ITSN2: variants seen among roughly 807,000 people sequenced by gnomAD.
ITSN2 encodes intersectin-2.
Under a neutral mutation model 243.7 loss-of-function variants are expected in ITSN2, and 156 were observed. That is an observed-to-expected ratio of 0.64 (90% confidence interval 0.56 to 0.73). The LOEUF (loss-of-function observed/expected upper bound fraction) is 0.73. Ranked by LOEUF, ITSN2 falls within the 30% of genes least tolerant of loss-of-function variation. The probability of loss-of-function intolerance (pLI) is 0.00; values close to 1 mark genes in which losing one functional copy is unlikely to be tolerated. For missense variants in ITSN2, 1,801 were observed against 1,996.1 expected (o/e 0.90, Z 1.86); for synonymous variants, 703 against 699.9 (o/e 1.00, Z -0.07).
chr2:24,328,156 G>T, intron 1 of ITSN2, 41 bp from the exon 2 acceptor site: 1 of 1,479,292 alleles, frequency 6.8e-7, no homozygotes, highest in Non-Finnish European at 9.4e-7. Flanking sequence ...ATACAACAAG[G>T]GCAAATCACA....
intron 22 of ITSN2, among the ~76,000 whole-genome samples, chr2:24,258,677 C>T (rs565054060): frequency 6.6e-6 from 1 of 152,272 alleles, no homozygotes; most frequent in South Asian, 2.1e-4. Context: ...TCCTTCTCTT[C>T]AATCTACTTC....
At chr2:24,325,571 T>C (rs1263622139) in intron 2 of ITSN2, among the ~76,000 whole-genome samples, 2 of 152,172 alleles carry the variant, frequency 1.3e-5, no homozygotes, top group East Asian at 3.8e-4. Context: ...AGTAAAAATC[T>C]CCCAATCTTA....
At chr2:24,284,901 T>A in intron 16 of ITSN2, 58 bp from the exon 17 acceptor site, 1 of 939,794 alleles carries the variant, frequency 1.1e-6, no homozygotes, top group Non-Finnish European at 1.6e-6. Flanking sequence ...TTTTTTTTTT[T>A]TTTTTTTTTT....
chr2:24,302,360 G>A (rs1681886953), intron 9 of ITSN2, among the ~76,000 whole-genome samples: 1 of 151,910 alleles, frequency 6.6e-6, no homozygotes, highest in Admixed American at 6.6e-5. Context: ...CACCACGCCT[G>A]GCTAATTTTT....
In ITSN2 at chr2:24,301,219, G is replaced by A. The variant is rs138489908; in HGVS notation, c.1016C>T (p.Ser339Phe). ...ATATGAAGGCAGAGTTCCATTAATG[G>A]AATCAATTTGCTTTCCTCCTCTAAA... ...PSFRGGKQID[S>F]INGTLPSYQK... The change falls in exon 11 of 40, where the codon TCC becomes TTC. Residue 339 changes from serine (S) to phenylalanine (F), a missense_variant. By Grantham distance (155) the Ser-to-Phe change is radical (BLOSUM62 -2). Transcript: ENST00000355123. 1 of 1,606,164 alleles carries A rather than the reference G, an allele frequency of 6.2e-7. No individual in the cohort carries two copies. Among genetic ancestry groups the A allele is most frequent in the African/African-American group, 1.3e-5 (1 of 74,714 alleles).
chr2:24,358,672 GA>G (rs1334988891), intron 1 of ITSN2, among the ~76,000 whole-genome samples: 9 of 152,034 alleles, frequency 5.9e-5, no homozygotes, highest in Admixed American at 5.2e-4. Context: ...AAATAAGAAA[GA>G]AAAAAAGAAA....
intron 29 of ITSN2, among the ~76,000 whole-genome samples, chr2:24,237,028 C>T (rs550705346): frequency 1.3e-5 from 2 of 151,958 alleles, no homozygotes; most frequent in East Asian, 1.9e-4. Context: ...GTTGTAGTGC[C>T]GAAGTTCATT....
At chr2:24,259,432 T>C in intron 22 of ITSN2, among the ~76,000 whole-genome samples, 1 of 152,230 alleles carries the variant, frequency 6.6e-6, no homozygotes, top group East Asian at 1.9e-4. Context: ...AATCCAGACT[T>C]TATGTTAGTG....
chr2:24,345,279 A>G (rs1403056746), intron 1 of ITSN2, among the ~76,000 whole-genome samples: 1 of 152,090 alleles, frequency 6.6e-6, no homozygotes, highest in Non-Finnish European at 1.5e-5. Context: ...TTTTATTTTT[A>G]CTGTACAAAT....
At chr2:24,317,664 G>C (rs534262210) in intron 2 of ITSN2, among the ~76,000 whole-genome samples, 34 of 152,322 alleles carry the variant, frequency 2.2e-4, no homozygotes, top group Non-Finnish European at 4.0e-4. Context: ...ACACCCTCCT[G>C]GGGCTACAAA....
intron 2 of ITSN2, among the ~76,000 whole-genome samples, chr2:24,322,171 G>C (rs1006115207): frequency 1.3e-5 from 2 of 152,076 alleles, no homozygotes; most frequent in African/African-American, 4.8e-5. Context: ...CTCCATTATA[G>C]CTAACACTTA....
At position 24,301,319 on chromosome 2, in the gene ITSN2, T is replaced by C. The variant is rs538125508; in HGVS notation, c.996-80A>G. The stretch of plus-strand genomic sequence containing the variant: ...AGATTACACAGACTACCAGTGATTA[T>C]GGCAATTTGATATTGGGAATACAGT... On this transcript the variant is annotated intron_variant, in intron 10 of 39. Coordinates refer to ENST00000355123, the MANE Select transcript of ITSN2 (RefSeq NM_006277.3). 4.5e-4 allele frequency: 342 copies of C among 753,520 alleles called. 1 individual carries two copies. The African/African-American group carries it at 5.2e-3, about 12-fold the overall frequency. The allele number at this position is 753,520 out of a possible 1,614,324, so 46.7% of individuals were successfully genotyped here.
In ITSN2 at chr2:24,302,196, T is replaced by TA; in HGVS notation, c.858-95dup. ...AATTTTTATTTTACTTTTATTTATT[T>TA]ATTTATTTATTTATTTATTTGAGAT... is the stretch of plus-strand genomic sequence containing the variant. On this transcript the variant is annotated intron_variant, in intron 9 of 39. Transcript: ENST00000355123. 4 of 629,080 alleles carry TA rather than the reference T, an allele frequency of 6.4e-6. No homozygotes were observed. In the South Asian group the frequency reaches 1.3e-4, roughly 21 times the overall value. 39.0% of individuals were successfully genotyped at this position (629,080 alleles called of 1,614,324 possible).
chr2:24,229,399 G>A (rs1671359691), intron 29 of ITSN2, among the ~76,000 whole-genome samples: 1 of 152,110 alleles, frequency 6.6e-6, no homozygotes, highest in South Asian at 2.1e-4. Flanking sequence ...GCCCAGCCTG[G>A]CTAACATGGC....
At chr2:24,297,758 C>G (rs1165036815) in intron 13 of ITSN2, among the ~76,000 whole-genome samples, 1 of 152,118 alleles carries the variant, frequency 6.6e-6, no homozygotes, top group Non-Finnish European at 1.5e-5. Context: ...ACTAACACAA[C>G]TCTTTATTTC....
At chr2:24,336,974 C>T (rs1191561546) in intron 1 of ITSN2, among the ~76,000 whole-genome samples, 1 of 151,674 alleles carries the variant, frequency 6.6e-6, no homozygotes, top group Non-Finnish European at 1.5e-5. Flanking sequence ...AGGAAACCAG[C>T]AGGAAGCAGA....
At chr2:24,235,583 G>A (rs1224792146) in intron 29 of ITSN2, among the ~76,000 whole-genome samples, 1 of 152,148 alleles carries the variant, frequency 6.6e-6, no homozygotes, top group Non-Finnish European at 1.5e-5. Flanking sequence ...CGGGGCAAGG[G>A]ACATATGGGA....
intron 1 of ITSN2, among the ~76,000 whole-genome samples, chr2:24,358,191 G>A (rs1226036928): frequency 6.6e-6 from 1 of 152,206 alleles, no homozygotes; most frequent in African/African-American, 2.4e-5. Flanking sequence ...TTACAGGCAT[G>A]AGCCAGGGCA....
At chr2:24,233,725 A>G (rs2151213267) in intron 29 of ITSN2, among the ~76,000 whole-genome samples, 1 of 152,238 alleles carries the variant, frequency 6.6e-6, no homozygotes, top group East Asian at 1.9e-4. Flanking sequence ...CAAACCCCTT[A>G]AGCCTCATGT....
Sources: gnomAD v4.1 joint callset for allele counts (sites outside exome capture counted in the v4.1 genomes callset) on GRCh38, gnomAD v4.1.1 for gene constraint, MANE v1.5 for transcripts, NCBI Gene and HGNC (gene_info 2026-07-23, HGNC 2026-07-21) for gene names.